Variants in MPPED1 observed in about 807,000 individuals in gnomAD.
The protein encoded by MPPED1 is metallophosphoesterase domain-containing protein 1.
In MPPED1, 16 loss-of-function variants were observed where a neutral mutation model predicts 36.2. The ratio of observed to expected loss-of-function variants is 0.44; its 90% CI spans 0.30 to 0.67. The LOEUF (loss-of-function observed/expected upper bound fraction) is 0.67. Ranked by LOEUF, MPPED1 falls within the 30% of genes least tolerant of loss-of-function variation. The pLI is 0.10. For missense variants in MPPED1, 307 were observed against 453.4 expected, an observed-to-expected ratio of 0.68 and a Z score of 2.93; for synonymous variants, 199 against 191.3, an observed-to-expected ratio of 1.04 and a Z score of -0.33.
At chr22:43,423,266 A>G (rs969757445) in intron 1 of MPPED1, among the ~76,000 whole-genome samples, 3 of 152,212 alleles carry the variant, frequency 2.0e-5, no homozygotes, top group South Asian at 4.1e-4. Flanking sequence ...GGCTCAGAGT[A>G]TGCGGCGTCC....
chr22:43,474,531 G>A lies in MPPED1; in HGVS notation c.407-205G>A, dbSNP rs1468849934. Reference sequence around the variant, plus strand: ...GCTGTGGCTTCTGGACAAGCTGACAGCTGTGTGCTGTGTGTCTGTCTGTGT... The same window carrying A: ...GCTGTGGCTTCTGGACAAGCTGACAACTGTGTGCTGTGTGTCTGTCTGTGT... On this transcript the variant is annotated intron_variant, in intron 3 of 6. Coordinates refer to ENST00000443721, the MANE Select transcript of MPPED1 (RefSeq NM_001044370.2). The surrounding 1 kb of genome is among the most constrained non-coding windows in gnomAD (Gnocchi z 5.2). 6.6e-6 allele frequency among the ~76,000 whole-genome samples: 1 copy of A among 152,174 alleles called. No homozygotes were observed. The highest frequency in any genetic ancestry group is 6.5e-5 in the Admixed American group (1 of 15,286).
intron 1 of MPPED1, among the ~76,000 whole-genome samples, chr22:43,414,200 C>G (rs1027334462): frequency 6.6e-6 from 1 of 152,160 alleles, no homozygotes; most frequent in African/African-American, 2.4e-5. Context: ...TAATAAATTC[C>G]CAGCTCACCC....
chr22:43,429,375 G>A (rs1248067522), intron 2 of MPPED1, among the ~76,000 whole-genome samples: 2 of 152,248 alleles, frequency 1.3e-5, no homozygotes, highest in East Asian at 1.9e-4. Context: ...CCCCGGCACT[G>A]CCTGGCTCTC....
In MPPED1 at chr22:43,497,062, G is replaced by A. The variant is rs1416617601; in HGVS notation, c.633-1173G>A. On this transcript the variant is annotated intron_variant, in intron 4 of 6. Transcript: ENST00000443721. Reference sequence around the variant, plus strand: ...TGGAGGTAGTGGTGGTGGAGATGGTGGTGGTGGAGGTGGTGGTGGAGGTAG... The same window carrying A: ...TGGAGGTAGTGGTGGTGGAGATGGTAGTGGTGGAGGTGGTGGTGGAGGTAG... Among the ~76,000 whole-genome samples, 6 of 149,348 alleles carry A rather than the reference G, an allele frequency of 4.0e-5. No individual in the cohort carries two copies. In the South Asian group the frequency reaches 1.3e-3, roughly 32 times the overall value.
chr22:43,461,152 C>T (rs186624084), intron 3 of MPPED1, among the ~76,000 whole-genome samples: 1 of 152,236 alleles, frequency 6.6e-6, no homozygotes, highest in Admixed American at 6.5e-5. Context: ...TCACTTGAGG[C>T]CAGGAGTTTG....
intron 3 of MPPED1, among the ~76,000 whole-genome samples, chr22:43,464,401 C>T (rs193081157): frequency 6.2e-4 from 94 of 151,564 alleles, no homozygotes; most frequent in Admixed American, 6.1e-3. Context: ...ATATTGATAC[C>T]TATGGGTTTT....
At chr22:43,485,582 C>T (rs1931889194) in intron 4 of MPPED1, among the ~76,000 whole-genome samples, 1 of 152,118 alleles carries the variant, frequency 6.6e-6, no homozygotes. Flanking sequence ...TTCTCTTCTG[C>T]CCCCTTCCTA....
intron 2 of MPPED1, among the ~76,000 whole-genome samples, chr22:43,428,600 G>A (rs949746956): frequency 7.2e-5 from 11 of 152,310 alleles, no homozygotes; most frequent in African/African-American, 2.6e-4. Context: ...TGTCTCCGGG[G>A]TGAGGGAGCG....
chr22:43,506,582 C>G lies in MPPED1; in HGVS notation c.*966C>G, dbSNP rs975403003. 1 of 152,276 alleles carries G rather than the reference C, an allele frequency of 6.6e-6. No individual in the cohort carries two copies. The highest frequency in any genetic ancestry group is 1.5e-5 in the Non-Finnish European group (1 of 68,108). 9.4% of individuals were successfully genotyped at this position (152,276 alleles called of 1,614,324 possible). On this transcript the variant is annotated 3_prime_UTR_variant, in exon 7 of 7. Transcript: ENST00000443721. ...GGTTCTGTTCCTTGGTGCGGCTTCC[C>G]TTGCACCGTTAGGATTCTGTCTGGC...
intron 3 of MPPED1, among the ~76,000 whole-genome samples, chr22:43,440,000 G>A (rs369861107): frequency 4.6e-5 from 7 of 152,360 alleles, no homozygotes; most frequent in East Asian, 1.9e-4. Context: ...GCCTTGCGGC[G>A]GGGGCGTGTC....
At chr22:43,476,086 A>G (rs1326052970) in intron 4 of MPPED1, among the ~76,000 whole-genome samples, 1 of 149,436 alleles carries the variant, frequency 6.7e-6, no homozygotes, top group East Asian at 2.0e-4. Context: ...GGTGGTGGTG[A>G]TGATGATGAT....
At chr22:43,433,791 C>T (rs1448873519) in intron 2 of MPPED1, among the ~76,000 whole-genome samples, 2 of 151,950 alleles carry the variant, frequency 1.3e-5, no homozygotes, top group Non-Finnish European at 2.9e-5. Context: ...AGAAAGATGT[C>T]TTTAAAAGTA....
intron 4 of MPPED1, among the ~76,000 whole-genome samples, chr22:43,494,562 G>A (rs952452847): frequency 6.6e-6 from 1 of 152,126 alleles, no homozygotes; most frequent in Non-Finnish European, 1.5e-5. Flanking sequence ...TTGGAGGTAA[G>A]ACCTACACGA....
intron 3 of MPPED1, among the ~76,000 whole-genome samples, chr22:43,437,973 G>A (rs565517114): frequency 5.3e-5 from 8 of 152,182 alleles, no homozygotes; most frequent in African/African-American, 1.4e-4. Context: ...GCTAGCAACC[G>A]CCCTCCCAAC....
chr22:43,426,216 G>A (rs1347224185), intron 2 of MPPED1, among the ~76,000 whole-genome samples: 1 of 152,060 alleles, frequency 6.6e-6, no homozygotes, highest in Non-Finnish European at 1.5e-5. Flanking sequence ...CTCCTTGCTG[G>A]GCCTCCCGCA....
intron 4 of MPPED1, 38 bp from the exon 5 acceptor site, chr22:43,498,197 C>T: frequency 6.7e-7 from 1 of 1,496,346 alleles, no homozygotes; most frequent in East Asian, 2.5e-5. Flanking sequence ...CCTGTACTTT[C>T]ACCCGCCCTC....
Position 43,494,615 on chromosome 22 carries a change from A to T in MPPED1, c.633-3620A>T, listed in dbSNP as rs1033052418. 6.0e-5 allele frequency among the ~76,000 whole-genome samples: 9 copies of T among 148,940 alleles called. No homozygotes were observed. The Admixed American group carries it at 6.1e-4, about 10-fold the overall frequency. On this transcript the variant is annotated intron_variant, in intron 4 of 6. Transcript: ENST00000443721. ...CTTAGCTTGATTTCATCTACAAAGA[A>T]CCTCTTTATAAATAAGGTCATATTC... is the stretch of plus-strand genomic sequence containing the variant.
chr22:43,458,143 T>C (rs1157527196), intron 3 of MPPED1, among the ~76,000 whole-genome samples: 1 of 152,222 alleles, frequency 6.6e-6, no homozygotes, highest in Non-Finnish European at 1.5e-5. Flanking sequence ...CACTCTGCTG[T>C]TTGTACAATA....
chr22:43,468,364 C>A (rs1438929709), intron 3 of MPPED1, among the ~76,000 whole-genome samples: 1 of 152,190 alleles, frequency 6.6e-6, no homozygotes, highest in Admixed American at 6.5e-5. Context: ...GCGTTCTCGC[C>A]CACCTAGCAG....
Sources: allele counts gnomAD v4.1 joint callset (sites outside exome capture counted in the v4.1 genomes callset), GRCh38; gene constraint gnomAD v4.1.1; non-coding constraint Gnocchi (gnomAD v3.1); transcripts MANE v1.5; gene names NCBI Gene and HGNC (gene_info 2026-07-23, HGNC 2026-07-21).